Variants in FUT9 observed in about 807,000 individuals in gnomAD.
FUT9 encodes 4-galactosyl-N-acetylglucosaminide 3-alpha-L-fucosyltransferase 9.
A neutral mutation model predicts 29.7 loss-of-function variants in FUT9; 15 were observed. That is an observed-to-expected ratio of 0.51 (90% confidence interval 0.34 to 0.78). The LOEUF (loss-of-function observed/expected upper bound fraction) is 0.78, where lower values mean the gene tolerates loss of function less well. FUT9 is among the 30% of genes least tolerant of loss of function. FUT9 has a pLI of 0.01. For synonymous variants in FUT9, 169 were observed against 153.7 expected, an observed-to-expected ratio of 1.10 and a Z score of -0.74; for missense variants, 319 against 425.4, an observed-to-expected ratio of 0.75 and a Z score of 2.20.
intron 1 of FUT9, among the ~76,000 whole-genome samples, chr6:96,043,633 T>G (rs192238191): frequency 1.2e-4 from 19 of 152,362 alleles, no homozygotes; most frequent in Admixed American, 1.2e-3. Context: ...AACAAAATTA[T>G]AATTATTAGT....
At position 96,203,813 on chromosome 6, in the gene FUT9, C is replaced by G. The variant is rs1481489263; in HGVS notation, c.658C>G (p.Gln220Glu). 1 of 1,612,002 alleles carries G rather than the reference C, an allele frequency of 6.2e-7. No individual in the cohort carries two copies. Among genetic ancestry groups the G allele is most frequent in the Non-Finnish European group, 8.5e-7 (1 of 1,178,344 alleles). The stretch of plus-strand genomic sequence containing the variant: ...AAGCATTGAAATCCATACCTACGGG[C>G]AAGCATTTGGAGAATATGTCAATGA... Reference protein sequence around the residue: ...SKSIEIHTYGQAFGEYVNDKN... With the variant: ...SKSIEIHTYGEAFGEYVNDKN... The change falls in exon 3 of 3, where the codon CAA becomes GAA. Residue 220 changes from glutamine to glutamate, a missense_variant. Physicochemically the swap from Gln to Glu is conservative, Grantham distance 29. Coordinates refer to ENST00000302103, the MANE Select transcript of FUT9 (RefSeq NM_006581.4).
intron 2 of FUT9, among the ~76,000 whole-genome samples, chr6:96,178,933 T>G (rs549934257): frequency 6.6e-6 from 1 of 152,210 alleles, no homozygotes; most frequent in African/African-American, 2.4e-5. Flanking sequence ...TCTTTAAGGA[T>G]CTCATTAATA....
At chr6:96,146,804 A>C (rs1049398038) in intron 2 of FUT9, among the ~76,000 whole-genome samples, 2 of 152,222 alleles carry the variant, frequency 1.3e-5, no homozygotes, top group African/African-American at 4.8e-5. Context: ...TCCAGGAGCC[A>C]GCTGAATATG....
chr6:96,061,841 A>T (rs892067601), intron 1 of FUT9, among the ~76,000 whole-genome samples: 2 of 152,186 alleles, frequency 1.3e-5, no homozygotes, highest in African/African-American at 4.8e-5. Flanking sequence ...CTCCTGTTTT[A>T]TGTAGAGGGA....
intron 1 of FUT9, chr6:96,037,413 A>G (rs1770382480): frequency 6.6e-6 from 1 of 152,098 alleles, no homozygotes; most frequent in Non-Finnish European, 1.5e-5. Flanking sequence ...ATAATTCAGT[A>G]AATAAATTTA....
chr6:96,110,140 C>T (rs1001428809), intron 1 of FUT9, among the ~76,000 whole-genome samples: 1 of 152,116 alleles, frequency 6.6e-6, no homozygotes, highest in Non-Finnish European at 1.5e-5. Flanking sequence ...CCATCAGGTG[C>T]TGGCAACTCT....
intron 1 of FUT9, among the ~76,000 whole-genome samples, chr6:96,091,049 T>C (rs1771403992): frequency 6.6e-6 from 1 of 152,028 alleles, no homozygotes; most frequent in Non-Finnish European, 1.5e-5. Flanking sequence ...GAGGAGGCTA[T>C]TTACCCCATC....
chr6:96,074,061 C>G (rs1270963301), intron 1 of FUT9, among the ~76,000 whole-genome samples: 2 of 152,118 alleles, frequency 1.3e-5, no homozygotes, highest in Non-Finnish European at 2.9e-5. Flanking sequence ...GAGAAGGTTG[C>G]AAACCATTAG....
chr6:96,123,116 A>G (rs1200332662), intron 2 of FUT9, among the ~76,000 whole-genome samples: 5 of 149,834 alleles, frequency 3.3e-5, no homozygotes, highest in Non-Finnish European at 4.4e-5. Flanking sequence ...TTGTAGAGCT[A>G]TTGTGAGGAT....
intron 1 of FUT9, among the ~76,000 whole-genome samples, chr6:96,108,238 A>G (rs1771730257): frequency 6.6e-6 from 1 of 152,116 alleles, no homozygotes; most frequent in Admixed American, 6.5e-5. Context: ...ATGTACATTT[A>G]TGAAAAAGAA....
intron 1 of FUT9, among the ~76,000 whole-genome samples, chr6:96,086,622 A>T (rs1771321104): frequency 6.6e-6 from 1 of 152,246 alleles, no homozygotes; most frequent in South Asian, 2.1e-4. Flanking sequence ...CCCTTTCATA[A>T]TCAGGAATAT....
intron 2 of FUT9, among the ~76,000 whole-genome samples, chr6:96,157,168 T>A (rs1339670621): frequency 6.6e-6 from 1 of 152,210 alleles, no homozygotes; most frequent in Non-Finnish European, 1.5e-5. Flanking sequence ...CTAGGATTTC[T>A]TCTTATATTC....
chr6:96,023,976 C>G (rs1364887191), intron 1 of FUT9, among the ~76,000 whole-genome samples: 1 of 151,922 alleles, frequency 6.6e-6, no homozygotes, highest in Non-Finnish European at 1.5e-5. Flanking sequence ...TCTCCCCAGG[C>G]ACTTAACTGA....
Position 96,204,002 on chromosome 6 carries a change from G to A in FUT9, c.847G>A (p.Ala283Thr). 1 of 1,610,046 alleles carries A rather than the reference G, an allele frequency of 6.2e-7. No homozygotes were observed. The highest frequency in any genetic ancestry group is 8.5e-7 in the Non-Finnish European group (1 of 1,178,738). Residue 283 changes from alanine (A) to threonine (T), a missense_variant, in exon 3 of 3, where the codon GCA (alanine) becomes ACA (threonine). Physicochemically the swap from Ala to Thr is moderately conservative, Grantham distance 58 (BLOSUM62 0). Transcript: ENST00000302103. The part of the protein sequence containing the change: ...SRENYENYIP[A>T]DSFIHVEDYN... Reference sequence around the variant, plus strand: ...GGAAAACTATGAGAATTATATTCCAGCAGATTCATTCATTCATGTGGAAGA... The same window carrying A: ...GGAAAACTATGAGAATTATATTCCAACAGATTCATTCATTCATGTGGAAGA...
intron 1 of FUT9, among the ~76,000 whole-genome samples, chr6:96,093,968 T>C (rs75817463): frequency 0.024 from 3,597 of 152,222 alleles, 60 homozygotes; most frequent in Non-Finnish European, 0.035. Context: ...GCCAAGGATA[T>C]GAAAGTTTTG....
intron 2 of FUT9, among the ~76,000 whole-genome samples, chr6:96,177,410 G>A (rs1773223753): frequency 6.6e-6 from 1 of 151,946 alleles, no homozygotes; most frequent in Admixed American, 6.6e-5. Flanking sequence ...CCCTACAACA[G>A]TCCTCCTAGA....
At chr6:96,053,566 G>A (rs1356873439) in intron 1 of FUT9, among the ~76,000 whole-genome samples, 21 of 151,952 alleles carry the variant, frequency 1.4e-4, no homozygotes, top group East Asian at 1.4e-3. Flanking sequence ...AAAGTTAGCC[G>A]GGCATGGTGG....
intron 2 of FUT9, among the ~76,000 whole-genome samples, chr6:96,152,387 C>T (rs184375919): frequency 9.9e-4 from 151 of 152,250 alleles, no homozygotes; most frequent in African/African-American, 3.4e-3. Context: ...TCATAGCACT[C>T]CTTGTATTGA....
intron 1 of FUT9, among the ~76,000 whole-genome samples, chr6:96,031,313 A>G (rs1477004917): frequency 6.6e-6 from 1 of 151,584 alleles, no homozygotes; most frequent in Non-Finnish European, 1.5e-5. Flanking sequence ...TATTAATGAA[A>G]TCTTTATTAA....
Sources: gnomAD v4.1 joint callset for allele counts (sites outside exome capture counted in the v4.1 genomes callset) on GRCh38, gnomAD v4.1.1 for gene constraint, MANE v1.5 for transcripts, NCBI Gene and HGNC (gene_info 2026-07-23, HGNC 2026-07-21) for gene names.